The following CHIC2 variants were observed in gnomAD, a reference collection of about 807,000 sequenced individuals.
The protein encoded by CHIC2 is cysteine rich hydrophobic domain 2.
Under a neutral mutation model 25.9 loss-of-function variants are expected in CHIC2, and 14 were observed. The observed-to-expected ratio is 0.54, with a 90% CI of 0.36 to 0.85. The LOEUF is 0.85. Ranked by LOEUF, CHIC2 falls within the 40% of genes least tolerant of loss-of-function variation. The pLI, the probability that CHIC2 is intolerant of heterozygous loss-of-function variation, is 0.01. For synonymous variants in CHIC2, 70 were observed against 72.0 expected, an observed-to-expected ratio of 0.97 and a Z score of 0.14; for missense variants, 146 against 202.0, an observed-to-expected ratio of 0.72 and a Z score of 1.68.
chr4:54,020,692 T>C lies in CHIC2; in HGVS notation c.331-6573A>G, dbSNP rs559742170. Among the ~76,000 whole-genome samples the C allele has an allele frequency of 3.3e-5, 5 of 152,264 alleles. No individual in the cohort carries two copies. The South Asian group carries it at 1.0e-3, about 32-fold the overall frequency. ...CACTCTCTTCTCCAGCCTCTCTCGC[T>C]ACCCTTCAATCTCCCTGCCCTTCCA... On this transcript the variant is annotated intron_variant, in intron 3 of 5. Coordinates refer to ENST00000263921, the MANE Select transcript of CHIC2 (RefSeq NM_012110.4).
intron 3 of CHIC2, among the ~76,000 whole-genome samples, chr4:54,021,563 C>T (rs890315622): frequency 8.5e-5 from 13 of 152,206 alleles, no homozygotes; most frequent in African/African-American, 2.6e-4. Context: ...AGTTTCATTC[C>T]GCGACTAGCC....
chr4:54,090,198 T>C, the CHIC2 span, among the ~76,000 whole-genome samples: 1 of 151,990 alleles, frequency 6.6e-6, no homozygotes, highest in Non-Finnish European at 1.5e-5. Flanking sequence ...TATATATATA[T>C]ATTTTTTAGA....
At chr4:54,023,429 T>G (rs2110065605) in intron 3 of CHIC2, among the ~76,000 whole-genome samples, 1 of 152,282 alleles carries the variant, frequency 6.6e-6, no homozygotes, top group African/African-American at 2.4e-5. Context: ...GCTCCCCGGC[T>G]CCTTCAGCTA....
intron 3 of CHIC2, among the ~76,000 whole-genome samples, chr4:54,029,085 C>T (rs1048898433): frequency 2.7e-5 from 4 of 150,744 alleles, no homozygotes; most frequent in Non-Finnish European, 5.9e-5. Flanking sequence ...ATCGCGCCAC[C>T]GCACTCCAGC....
chr4:54,084,042 C>T, the CHIC2 span, among the ~76,000 whole-genome samples: 1 of 152,118 alleles, frequency 6.6e-6, no homozygotes, highest in African/African-American at 2.4e-5. Context: ...TAGTTCAAGC[C>T]TCAGTCTCAG....
At chr4:54,072,182 A>G in the CHIC2 span, among the ~76,000 whole-genome samples, 1 of 152,036 alleles carries the variant, frequency 6.6e-6, no homozygotes, top group East Asian at 1.9e-4. Context: ...GAGCACCTAT[A>G]GTCCCAGCTA....
chr4:54,018,939 T>A (rs1211367070), intron 3 of CHIC2, among the ~76,000 whole-genome samples: 1 of 151,956 alleles, frequency 6.6e-6, no homozygotes, highest in Non-Finnish European at 1.5e-5. Context: ...CTAAAATGTT[T>A]TGAATATATT....
chr4:54,019,589 A>G (rs1715838069), intron 3 of CHIC2, among the ~76,000 whole-genome samples: 1 of 152,208 alleles, frequency 6.6e-6, no homozygotes, highest in Admixed American at 6.5e-5. Flanking sequence ...TATGAAAGAT[A>G]GGGATTCTCT....
intron 3 of CHIC2, among the ~76,000 whole-genome samples, chr4:54,032,288 T>G (rs1400076217): frequency 8.6e-5 from 4 of 46,420 alleles, no homozygotes; most frequent in Non-Finnish European, 1.2e-4. Flanking sequence ...CCCCTCCCTC[T>G]CCCTCTACGG....
upstream of CHIC2, among the ~76,000 whole-genome samples, chr4:54,066,781 A>G (rs912455500): frequency 3.9e-5 from 6 of 152,178 alleles, no homozygotes; most frequent in Non-Finnish European, 5.9e-5. Context: ...CCAGGAGACT[A>G]GTGGCTGCAC....
chr4:54,066,625 C>CTT (rs533491447), upstream of CHIC2, among the ~76,000 whole-genome samples: 2,708 of 133,688 alleles, frequency 0.02, 109 homozygotes, highest in African/African-American at 0.07. Context: ...TCCTGAATGT[C>CTT]TTTTTTTTTT....
At chr4:54,037,620 A>T (rs1716433545) in intron 3 of CHIC2, among the ~76,000 whole-genome samples, 1 of 152,174 alleles carries the variant, frequency 6.6e-6, no homozygotes, top group Non-Finnish European at 1.5e-5. Context: ...AAATATAAAT[A>T]AAAGTTTTGA....
At chr4:54,043,673 C>T (rs1027506778) in intron 3 of CHIC2, among the ~76,000 whole-genome samples, 1 of 152,140 alleles carries the variant, frequency 6.6e-6, no homozygotes, top group Non-Finnish European at 1.5e-5. Flanking sequence ...TGGAAAGGAA[C>T]AACTGGTACC....
chr4:54,024,691 C>A (rs777745112), intron 3 of CHIC2, among the ~76,000 whole-genome samples: 5 of 152,254 alleles, frequency 3.3e-5, no homozygotes, highest in African/African-American at 2.4e-5. Context: ...AAGGATAGAG[C>A]CCAAAAATTC....
the CHIC2 span, among the ~76,000 whole-genome samples, chr4:54,078,413 A>T: frequency 6.6e-6 from 1 of 152,202 alleles, no homozygotes; most frequent in African/African-American, 2.4e-5. Flanking sequence ...AATTAAAATA[A>T]TATAGGAACA....
chr4:54,087,733 A>C, the CHIC2 span: 1 of 515,778 alleles, frequency 1.9e-6, no homozygotes. Flanking sequence ...ATCTCTTTTT[A>C]CTGGCGGTGA....
chr4:54,071,615 T>G, the CHIC2 span, among the ~76,000 whole-genome samples: 1 of 152,206 alleles, frequency 6.6e-6, no homozygotes, highest in Non-Finnish European at 1.5e-5. Context: ...AGAGAAATAT[T>G]TGGGTTCCTT....
the CHIC2 span, among the ~76,000 whole-genome samples, chr4:54,088,622 G>A: frequency 6.6e-6 from 1 of 152,158 alleles, no homozygotes; most frequent in Non-Finnish European, 1.5e-5. Context: ...GTCAGAGACA[G>A]CCATGGTGGC....
chr4:54,077,830 G>A, the CHIC2 span, among the ~76,000 whole-genome samples: 11 of 152,276 alleles, frequency 7.2e-5, no homozygotes, highest in African/African-American at 2.2e-4. Flanking sequence ...GTTCAAGGGC[G>A]TATCACTTGA....
Sources: allele counts gnomAD v4.1 joint callset (sites outside exome capture counted in the v4.1 genomes callset), GRCh38; gene constraint gnomAD v4.1.1; transcripts MANE v1.5; gene names NCBI Gene and HGNC (gene_info 2026-07-23, HGNC 2026-07-21).